TRHDE: variants seen among roughly 807,000 people sequenced by gnomAD.
The protein encoded by TRHDE is thyrotropin-releasing hormone-degrading ectoenzyme.
TRHDE carries 72 observed loss-of-function variants against 125.7 expected under a neutral mutation model. The ratio of observed to expected loss-of-function variants is 0.57; its 90% CI spans 0.47 to 0.70. The LOEUF is 0.70. Among genes scored for constraint, TRHDE ranks in the 30% least tolerant of loss-of-function variants. TRHDE has a pLI of 0.00. For missense variants in TRHDE, 1,110 were observed against 1,327.1 expected, an observed-to-expected ratio of 0.84 and a Z score of 2.54; for synonymous variants, 509 against 509.1, an observed-to-expected ratio of 1.00 and a Z score of 0.00.
chr12:72,441,294 T>C (rs575831049), intron 3 of TRHDE, among the ~76,000 whole-genome samples: 50 of 152,048 alleles, frequency 3.3e-4, no homozygotes, highest in Non-Finnish European at 6.2e-4. Flanking sequence ...AGTTATGTAG[T>C]CATTTGCATG....
chr12:72,486,248 C>T (rs1230348499), intron 5 of TRHDE, among the ~76,000 whole-genome samples: 2 of 152,164 alleles, frequency 1.3e-5, no homozygotes, highest in Non-Finnish European at 1.5e-5. Flanking sequence ...CTACTCATAC[C>T]TTGGAAAGTG....
At chr12:72,337,479 A>G (rs1433590585) in intron 2 of TRHDE, among the ~76,000 whole-genome samples, 1 of 152,168 alleles carries the variant, frequency 6.6e-6, no homozygotes, top group African/African-American at 2.4e-5. Context: ...GACCTTCTTC[A>G]GAGACAGCGA....
intron 3 of TRHDE, among the ~76,000 whole-genome samples, chr12:72,426,823 C>A (rs1193056853): frequency 3.9e-5 from 6 of 151,912 alleles, no homozygotes; most frequent in Non-Finnish European, 8.8e-5. Flanking sequence ...TAGTAAGCCA[C>A]AGAGAAAATG....
At chr12:72,480,999 T>A (rs1259915950) in intron 5 of TRHDE, among the ~76,000 whole-genome samples, 1 of 152,096 alleles carries the variant, frequency 6.6e-6, no homozygotes, top group Non-Finnish European at 1.5e-5. Flanking sequence ...ACATCTGCTA[T>A]TATTCAGCAT....
chr12:72,285,207 A>G (rs372763173), intron 1 of TRHDE, among the ~76,000 whole-genome samples: 2 of 152,076 alleles, frequency 1.3e-5, no homozygotes, highest in Non-Finnish European at 1.5e-5. Context: ...GTCAACCTGT[A>G]TTGATTGGTA....
chr12:72,517,336 T>C (rs1878924467), intron 6 of TRHDE, among the ~76,000 whole-genome samples: 1 of 152,022 alleles, frequency 6.6e-6, no homozygotes, highest in African/African-American at 2.4e-5. Context: ...GTTATTGGTC[T>C]ATTCAGAGAT....
intron 3 of TRHDE, among the ~76,000 whole-genome samples, chr12:72,434,139 C>G (rs1845370): frequency 6.6e-6 from 1 of 151,946 alleles, no homozygotes; most frequent in African/African-American, 2.4e-5. Flanking sequence ...AGTCTCAGCA[C>G]TTTGGGAGGC....
At chr12:72,451,651 A>G (rs1875578264) in intron 3 of TRHDE, among the ~76,000 whole-genome samples, 1 of 152,056 alleles carries the variant, frequency 6.6e-6, no homozygotes. Context: ...TATAAATTTT[A>G]GGCACTTTTT....
At chr12:72,506,098 A>G (rs562053356) in intron 6 of TRHDE, among the ~76,000 whole-genome samples, 1 of 152,262 alleles carries the variant, frequency 6.6e-6, no homozygotes, top group East Asian at 1.9e-4. Context: ...CAGGAGTTCA[A>G]CTCAAGTCTG....
At chr12:72,318,369 T>C (rs1475059411) in intron 2 of TRHDE, among the ~76,000 whole-genome samples, 4 of 152,106 alleles carry the variant, frequency 2.6e-5, no homozygotes, top group Non-Finnish European at 5.9e-5. Flanking sequence ...ACCTTGTAAT[T>C]GGTAAAAAGC....
At chr12:72,533,723 G>GTTTTTTTTTTTTTT in intron 6 of TRHDE, among the ~76,000 whole-genome samples, 13 of 97,898 alleles carry the variant, frequency 1.3e-4, no homozygotes, top group East Asian at 2.8e-4. Flanking sequence ...TTTTCTATTT[G>GTTTTTTTTTTTTTT]TTTTTTTTTT....
At chr12:72,260,862 C>T (rs1555171369) in intron 2 of TRHDE, among the ~76,000 whole-genome samples, 1 of 152,118 alleles carries the variant, frequency 6.6e-6, no homozygotes, top group Non-Finnish European at 1.5e-5. Flanking sequence ...GTGTTTCCTG[C>T]CCTGAAGAAA....
intron 2 of TRHDE, among the ~76,000 whole-genome samples, chr12:72,123,608 TG>T (rs1225848099): frequency 1.3e-5 from 2 of 152,264 alleles, no homozygotes; most frequent in East Asian, 3.9e-4. Flanking sequence ...TTTTTTATAA[TG>T]TTTAAATTCA....
intron 3 of TRHDE, 23 bp from the exon 4 acceptor site, chr12:72,469,735 G>C: frequency 6.2e-7 from 1 of 1,611,010 alleles, no homozygotes. Context: ...AAAGCCTTTG[G>C]AACTGTTTTA....
chr12:72,378,919 A>G (rs1229891756), intron 3 of TRHDE, among the ~76,000 whole-genome samples: 1 of 152,214 alleles, frequency 6.6e-6, no homozygotes, highest in Non-Finnish European at 1.5e-5. Flanking sequence ...GAGTACCTAC[A>G]TGCATTAGAA....
Position 72,440,520 on chromosome 12 carries a change from T to C in TRHDE, c.1316-29238T>C, listed in dbSNP as rs375136313. Among the ~76,000 whole-genome samples, 11 of 151,972 alleles carry C rather than the reference T, an allele frequency of 7.2e-5. No homozygotes were observed. The East Asian group carries it at 1.9e-3, about 27-fold the overall frequency. On this transcript the variant is annotated intron_variant, in intron 3 of 18. Coordinates refer to ENST00000261180, the MANE Select transcript of TRHDE (RefSeq NM_013381.3). Reference sequence around the variant, plus strand: ...TCAAAATATATTTATCTTTTACATTTCATGTTAATAATGCTAGATAAAATA... The same window carrying C: ...TCAAAATATATTTATCTTTTACATTCCATGTTAATAATGCTAGATAAAATA...
At chr12:72,413,936 T>C (rs563184766) in intron 3 of TRHDE, among the ~76,000 whole-genome samples, 5 of 152,208 alleles carry the variant, frequency 3.3e-5, no homozygotes, top group African/African-American at 1.2e-4. Flanking sequence ...ACTAAGCAAT[T>C]GCAACAATAA....
intron 3 of TRHDE, among the ~76,000 whole-genome samples, chr12:72,392,604 C>G (rs1446702919): frequency 1.3e-5 from 2 of 152,284 alleles, no homozygotes; most frequent in Non-Finnish European, 2.9e-5. Context: ...AATTATGCCA[C>G]TCTGCCAGCA....
Position 72,272,873 on chromosome 12 carries a change from G to T in TRHDE, c.230G>T (p.Arg77Leu). The T allele has an allele frequency of 1.3e-6, 2 of 1,579,434 alleles. No homozygotes were observed. Among genetic ancestry groups the T allele is most frequent in the Non-Finnish European group, 8.5e-7 (1 of 1,170,702 alleles). ...SVGVRPRTTE[R>L]HIAVHKRLVL... Reference sequence around the variant, plus strand: ...GGAGTGCGACCCCGCACCACGGAGCGCCACATCGCCGTACACAAGCGGCTT... The same window carrying T: ...GGAGTGCGACCCCGCACCACGGAGCTCCACATCGCCGTACACAAGCGGCTT... The change falls in exon 1 of 19, where the codon CGC (arginine) becomes CTC (leucine). Residue 77 changes from arginine to leucine, a missense_variant. Physicochemically the swap from Arg to Leu is moderately radical, Grantham distance 102. Coordinates refer to ENST00000261180, the MANE Select transcript of TRHDE (RefSeq NM_013381.3). This position sits in a 1 kb window ranked among gnomAD's most constrained non-coding sequence, Gnocchi z 6.7.
Sources: allele counts gnomAD v4.1 joint callset (sites outside exome capture counted in the v4.1 genomes callset), GRCh38; gene constraint gnomAD v4.1.1; non-coding constraint Gnocchi (gnomAD v3.1); transcripts MANE v1.5; gene names NCBI Gene and HGNC (gene_info 2026-07-23, HGNC 2026-07-21).